Variants in MEGF6 observed in about 807,000 individuals in gnomAD.
MEGF6 encodes multiple epidermal growth factor-like domains protein 6.
Under a neutral mutation model 207.1 loss-of-function variants are expected in MEGF6, and 184 were observed. The ratio of observed to expected loss-of-function variants is 0.89; its 90% CI spans 0.79 to 1.00. The LOEUF is 1.00. Among genes scored for constraint, MEGF6 ranks in the 50% least tolerant of loss-of-function variants. The pLI is 0.00. For missense variants in MEGF6, 2,282 were observed against 2,202.9 expected (o/e 1.04, Z -0.72); for synonymous variants, 1,038 against 910.0 (o/e 1.14, Z -2.53).
intron 4 of MEGF6, among the ~76,000 whole-genome samples, chr1:3,535,942 T>C (rs944131774): frequency 5.3e-5 from 8 of 152,180 alleles, no homozygotes; most frequent in Non-Finnish European, 1.2e-4. Flanking sequence ...CCCCAGGCCA[T>C]GGCAGGCGCC....
intron 17 of MEGF6, 131 bp from the exon 18 acceptor site, chr1:3,502,052 G>GTA (rs1569967068): frequency 3.7e-6 from 1 of 268,324 alleles, no homozygotes; most frequent in Non-Finnish European, 4.6e-6. Context: ...TGCCCCCCCG[G>GTA]CGCCTCCTCA....
intron 4 of MEGF6, among the ~76,000 whole-genome samples, chr1:3,558,834 G>C (rs1643109316): frequency 6.6e-6 from 1 of 152,066 alleles, no homozygotes; most frequent in South Asian, 2.1e-4. Context: ...ACAAATACTA[G>C]CCTGGGCAAC....
intron 4 of MEGF6, among the ~76,000 whole-genome samples, chr1:3,529,698 G>A (rs759256755): frequency 3.4e-4 from 51 of 152,166 alleles, no homozygotes; most frequent in Non-Finnish European, 7.1e-4. Context: ...GGAGCCTCAG[G>A]GAGCCCATGG....
At chr1:3,545,197 C>T (rs1330275516) in intron 4 of MEGF6, among the ~76,000 whole-genome samples, 2 of 152,132 alleles carry the variant, frequency 1.3e-5, no homozygotes, top group Non-Finnish European at 2.9e-5. Flanking sequence ...GCCCCAGGGA[C>T]ACCAGCCCGA....
intron 5 of MEGF6, among the ~76,000 whole-genome samples, chr1:3,520,633 G>T (rs769311118): frequency 1.5e-4 from 23 of 152,244 alleles, no homozygotes; most frequent in Admixed American, 5.2e-4. Context: ...GGGCAATGGG[G>T]CACACCAGGA....
intron 4 of MEGF6, among the ~76,000 whole-genome samples, chr1:3,531,658 GCA>G (rs1300420533): frequency 2.6e-5 from 4 of 152,212 alleles, no homozygotes; most frequent in Non-Finnish European, 5.9e-5. Flanking sequence ...ACAGACACAG[GCA>G]CACAGACTCA....
At chr1:3,582,486 C>G (rs1341417651) in intron 3 of MEGF6, among the ~76,000 whole-genome samples, 1 of 152,194 alleles carries the variant, frequency 6.6e-6, no homozygotes, top group Non-Finnish European at 1.5e-5. Flanking sequence ...CCACCGTCAT[C>G]CCCTGCCCTC....
At chr1:3,621,137 A>G in the MEGF6 span, among the ~76,000 whole-genome samples, 825 of 152,360 alleles carry the variant, frequency 5.4e-3, 5 homozygotes, top group African/African-American at 0.019. Context: ...ACTGTGGGCA[A>G]GCCTGACTAA....
intron 3 of MEGF6, among the ~76,000 whole-genome samples, chr1:3,581,501 C>T (rs1429409035): frequency 7.2e-5 from 11 of 152,172 alleles, no homozygotes; most frequent in Non-Finnish European, 1.2e-4. Context: ...CCCCAGGGAC[C>T]GGGGACCAAC....
At position 3,492,360 on chromosome 1, in the gene MEGF6, G is replaced by A. The variant is rs999979683; in HGVS notation, c.4516+279C>T. On this transcript the variant is annotated intron_variant, in intron 35 of 36. Transcript: ENST00000356575. ...CCGGTGCAGTTTGCAGCCCACCCTT[G>A]CAGCTGTTGGGGCTGGGAAAGATGG... Among the ~76,000 whole-genome samples the A allele has an allele frequency of 2.0e-4, 31 of 152,152 alleles. 1 individual carries two copies. Among genetic ancestry groups the A allele is most frequent in the Admixed American group, 1.9e-3 (29 of 15,292 alleles).
chr1:3,515,392 C>T lies in MEGF6; in HGVS notation c.730+10G>A, dbSNP rs771298967. On this transcript the variant is annotated intron_variant, in intron 6 of 36. Coordinates refer to ENST00000356575, the MANE Select transcript of MEGF6 (RefSeq NM_001409.4). ...CCCCAGGTCCTCCCTCCCAGGCTGG[C>T]AGCACTCACGGACACAATGCCTGCC... is the stretch of plus-strand genomic sequence containing the variant. 2 of 1,608,430 alleles carry T rather than the reference C, an allele frequency of 1.2e-6. No homozygotes were observed. Among genetic ancestry groups the T allele is most frequent in the Middle Eastern group, 1.7e-4 (1 of 5,894 alleles).
At chr1:3,621,262 C>T in the MEGF6 span, among the ~76,000 whole-genome samples, 3 of 152,326 alleles carry the variant, frequency 2.0e-5, no homozygotes, top group African/African-American at 4.8e-5. Context: ...TTGGCACTGA[C>T]GCTGCCACTA....
intron 32 of MEGF6, 59 bp downstream of exon 32, chr1:3,494,310 CGG>C (rs1640505628): frequency 6.6e-7 from 1 of 1,504,210 alleles, no homozygotes; most frequent in Admixed American, 2.1e-5. Context: ...ATCACCCACA[CGG>C]GAGGAGTGGA....
intron 1 of MEGF6, among the ~76,000 whole-genome samples, chr1:3,609,819 G>C (rs536581598): frequency 1.3e-5 from 2 of 152,186 alleles, no homozygotes; most frequent in Non-Finnish European, 2.9e-5. Context: ...GGTCGCTGAC[G>C]GTTTCCACAG....
chr1:3,493,775 G>T lies in MEGF6; in HGVS notation c.4383C>A (p.Asn1461Lys). The change falls in exon 34 of 37, where the codon AAC (asparagine) becomes AAA (lysine). Residue 1461 changes from asparagine to lysine, a missense_variant. Transcript: ENST00000356575. ...CPPGRSGATC[N>K]LDCRRGQFGP... Reference sequence around the variant, plus strand: ...TGGGCAGGACCCCAGACTCACCCAGGTTACAGGTGGCTCCTGAGCGCCCTG... The same window carrying T: ...TGGGCAGGACCCCAGACTCACCCAGTTTACAGGTGGCTCCTGAGCGCCCTG... 6.2e-7 allele frequency: 1 copy of T among 1,612,146 alleles called. No individual in the cohort carries two copies. The highest frequency in any genetic ancestry group is 8.5e-7 in the Non-Finnish European group (1 of 1,179,570).
At chr1:3,551,198 T>C (rs1294793440) in intron 4 of MEGF6, among the ~76,000 whole-genome samples, 1 of 151,954 alleles carries the variant, frequency 6.6e-6, no homozygotes, top group Middle Eastern at 3.2e-3. Flanking sequence ...CGCTTGGGGG[T>C]GGCCCCGCCC....
At position 3,501,040 on chromosome 1, in the gene MEGF6, T is replaced by C. The variant is rs1640839622; in HGVS notation, c.2501A>G (p.Asn834Ser). 1 of 1,612,776 alleles carries C rather than the reference T, an allele frequency of 6.2e-7. No homozygotes were observed. The highest frequency in any genetic ancestry group is 8.5e-7 in the Non-Finnish European group (1 of 1,179,968). ...PSCQTRCSCANDGHCHPATGH... is the reference protein window; with the variant it reads ...PSCQTRCSCASDGHCHPATGH... ...GGTGGCTGGGTGGCAGTGCCCATCA[T>C]TGGCACAAGAGCACCTTGTCTGGCA... The change falls in exon 20 of 37, where the codon AAT becomes AGT. Residue 834 changes from asparagine (N) to serine (S), a missense_variant. Physicochemically the swap from Asn to Ser is conservative, Grantham distance 46. Coordinates refer to ENST00000356575, the MANE Select transcript of MEGF6 (RefSeq NM_001409.4).
At chr1:3,599,980 T>G (rs182325924) in intron 2 of MEGF6, among the ~76,000 whole-genome samples, 23 of 152,148 alleles carry the variant, frequency 1.5e-4, no homozygotes, top group Non-Finnish European at 2.9e-4. Context: ...GCCAGGCTGG[T>G]AGGGGTGGAA....
chr1:3,561,107 C>T (rs1045980094), intron 4 of MEGF6, among the ~76,000 whole-genome samples: 1 of 152,178 alleles, frequency 6.6e-6, no homozygotes. Flanking sequence ...GCAGGAGAGA[C>T]GGCCTTTCCA....
Sources: allele counts gnomAD v4.1 joint callset (sites outside exome capture counted in the v4.1 genomes callset), GRCh38; gene constraint gnomAD v4.1.1; transcripts MANE v1.5; gene names NCBI Gene and HGNC (gene_info 2026-07-23, HGNC 2026-07-21).